Variants in CDH12 observed in about 807,000 individuals in gnomAD.
CDH12 encodes cadherin 12, also known as cadherin-12.
A neutral mutation model predicts 74.1 loss-of-function variants in CDH12; 41 were observed. That is an observed-to-expected ratio of 0.55 (90% CI 0.43 to 0.72). The LOEUF (loss-of-function observed/expected upper bound fraction) is 0.72. Ranked by LOEUF, CDH12 falls within the 30% of genes least tolerant of loss-of-function variation. The pLI, the probability that CDH12 is intolerant of heterozygous loss-of-function variation, is 0.00. For missense variants in CDH12, 945 were observed against 977.2 expected (o/e 0.97, Z 0.44); for synonymous variants, 399 against 355.0 (o/e 1.12, Z -1.39).
chr5:21,938,993 A>G lies in CDH12; in HGVS notation c.526+36098T>C, dbSNP rs537868938. On this transcript the variant is annotated intron_variant, in intron 6 of 14. Coordinates refer to ENST00000382254, the MANE Select transcript of CDH12 (RefSeq NM_004061.5). Reference sequence around the variant, plus strand: ...CAAAGATGTATATTGAAAGCTGTTCACTGAAACAGTATTTATAATAATGAA... The same window carrying G: ...CAAAGATGTATATTGAAAGCTGTTCGCTGAAACAGTATTTATAATAATGAA... 9.3e-4 allele frequency among the ~76,000 whole-genome samples: 140 copies of G among 151,000 alleles called. 2 individuals carry two copies. In the East Asian group the frequency reaches 0.023, roughly 25 times the overall value.
chr5:22,656,411 A>G (rs1191977914), intron 1 of CDH12, among the ~76,000 whole-genome samples: 1 of 152,230 alleles, frequency 6.6e-6, no homozygotes, highest in Non-Finnish European at 1.5e-5. Context: ...AAGAATATGA[A>G]TATGTGACTT....
chr5:21,906,150 T>C (rs1437629425), intron 6 of CDH12, among the ~76,000 whole-genome samples: 3 of 152,146 alleles, frequency 2.0e-5, no homozygotes, highest in African/African-American at 7.2e-5. Context: ...TTAGGTAGCT[T>C]TAGGTTTGAC....
At chr5:22,718,906 G>A (rs1027097286) in intron 1 of CDH12, among the ~76,000 whole-genome samples, 9 of 152,138 alleles carry the variant, frequency 5.9e-5, no homozygotes, top group Non-Finnish European at 1.2e-4. Context: ...GATCTCTCTG[G>A]GACTTTGCCC....
intron 3 of CDH12, among the ~76,000 whole-genome samples, chr5:22,404,925 A>T (rs2126457495): frequency 6.6e-6 from 1 of 152,316 alleles, no homozygotes; most frequent in East Asian, 1.9e-4. Context: ...AAACATAATA[A>T]TCAACTGGGC....
At chr5:22,104,734 T>G (rs1381735707) in intron 4 of CDH12, among the ~76,000 whole-genome samples, 1 of 152,196 alleles carries the variant, frequency 6.6e-6, no homozygotes, top group Non-Finnish European at 1.5e-5. Context: ...TCAGACTTTT[T>G]GATCCTTACC....
intron 3 of CDH12, among the ~76,000 whole-genome samples, chr5:22,294,635 C>G (rs1737544803): frequency 6.6e-6 from 1 of 152,188 alleles, no homozygotes; most frequent in South Asian, 2.1e-4. Flanking sequence ...GATGGAGTTG[C>G]TTTAGCCTCC....
chr5:22,609,171 TG>T (rs772983731), intron 1 of CDH12, among the ~76,000 whole-genome samples: 3 of 152,194 alleles, frequency 2.0e-5, no homozygotes, highest in African/African-American at 4.8e-5. Flanking sequence ...TTTTTTATAA[TG>T]GTCTTTAGAG....
At chr5:22,355,523 A>AAAATATAT (rs149384377) in intron 3 of CDH12, among the ~76,000 whole-genome samples, 1 of 84,020 alleles carries the variant, frequency 1.2e-5, no homozygotes, top group African/African-American at 3.7e-5. Flanking sequence ...TTAAAAAAAA[A>AAAATATAT]ATATATATAT....
intron 1 of CDH12, among the ~76,000 whole-genome samples, chr5:22,730,522 T>A (rs1744380484): frequency 6.6e-6 from 1 of 151,862 alleles, no homozygotes; most frequent in Non-Finnish European, 1.5e-5. Flanking sequence ...GTTGAACATG[T>A]TTGAATTCAA....
chr5:22,646,079 A>G (rs982800526), intron 1 of CDH12, among the ~76,000 whole-genome samples: 1 of 151,788 alleles, frequency 6.6e-6, no homozygotes, highest in Non-Finnish European at 1.5e-5. Context: ...ACTAAAAAAG[A>G]CTCCTGGATA....
At chr5:22,291,323 C>T (rs1737379623) in intron 3 of CDH12, among the ~76,000 whole-genome samples, 1 of 152,062 alleles carries the variant, frequency 6.6e-6, no homozygotes, top group African/African-American at 2.4e-5. Flanking sequence ...CAACTCTTGC[C>T]ATTTCTATTC....
chr5:21,883,001 A>G, intron 6 of CDH12: 1 of 1,602,986 alleles, frequency 6.2e-7, no homozygotes, highest in South Asian at 1.1e-5. Context: ...GTGCTAATCC[A>G]GTGGAAATCA....
At chr5:22,382,066 T>C (rs1741779133) in intron 3 of CDH12, among the ~76,000 whole-genome samples, 1 of 146,998 alleles carries the variant, frequency 6.8e-6, no homozygotes, top group South Asian at 2.1e-4. Context: ...CTCAATATTA[T>C]AATACATAAT....
intron 1 of CDH12, among the ~76,000 whole-genome samples, chr5:22,811,245 G>GAAAGC (rs1749135096): frequency 6.6e-6 from 1 of 151,974 alleles, no homozygotes; most frequent in Non-Finnish European, 1.5e-5. Flanking sequence ...TAGAGAAGAG[G>GAAAGC]AAAGCGAGGG....
At chr5:21,897,818 T>C (rs1753194700) in intron 6 of CDH12, among the ~76,000 whole-genome samples, 1 of 152,230 alleles carries the variant, frequency 6.6e-6, no homozygotes, top group Non-Finnish European at 1.5e-5. Context: ...TGTATTACAA[T>C]ATTTCTTTGT....
At chr5:22,239,915 T>C (rs1202320758) in intron 3 of CDH12, among the ~76,000 whole-genome samples, 1 of 152,176 alleles carries the variant, frequency 6.6e-6, no homozygotes, top group East Asian at 1.9e-4. Flanking sequence ...AATATGAAGG[T>C]AGCTCCCTCT....
chr5:22,673,113 C>T (rs1270400054), intron 1 of CDH12, among the ~76,000 whole-genome samples: 1 of 152,044 alleles, frequency 6.6e-6, no homozygotes, highest in East Asian at 1.9e-4. Flanking sequence ...GTGATACCTC[C>T]AGTCTTTCTG....
chr5:22,845,480 C>T (rs901118162), intron 1 of CDH12, among the ~76,000 whole-genome samples: 1 of 152,094 alleles, frequency 6.6e-6, no homozygotes, highest in African/African-American at 2.4e-5. Context: ...GTTCACCAAA[C>T]AAAATGGATT....
In CDH12 at chr5:22,580,032, T is replaced by C. The variant is rs189110654; in HGVS notation, c.-522-74668A>G. On this transcript the variant is annotated intron_variant, in intron 1 of 14. Coordinates refer to ENST00000382254, the MANE Select transcript of CDH12 (RefSeq NM_004061.5). ...CGCTCACATTAACTCTAGGTGAACA[T>C]TTAATGATATCACCTTTTTAGCCAA... Among the ~76,000 whole-genome samples, 240 of 152,238 alleles carry C rather than the reference T, an allele frequency of 1.6e-3. 1 individual carries two copies. The highest frequency in any genetic ancestry group is 5.7e-3 in the African/African-American group (235 of 41,552).
Sources: gnomAD v4.1 joint callset for allele counts (sites outside exome capture counted in the v4.1 genomes callset) on GRCh38, gnomAD v4.1.1 for gene constraint, MANE v1.5 for transcripts, NCBI Gene and HGNC (gene_info 2026-07-23, HGNC 2026-07-21) for gene names.